Variants in TRPM3 observed in about 807,000 individuals in gnomAD.
TRPM3 encodes the protein transient receptor potential cation channel subfamily M member 3, also known as long transient receptor potential channel 3.
A neutral mutation model predicts 181.2 loss-of-function variants in TRPM3; 77 were observed. That is an observed-to-expected ratio of 0.42 (90% CI 0.35 to 0.51). The LOEUF is 0.51. Among genes scored for constraint, TRPM3 ranks in the 20% least tolerant of loss-of-function variants. TRPM3 has a pLI of 0.01. For missense variants in TRPM3, 1,759 were observed against 2,196.7 expected (o/e 0.80, Z 3.98); for synonymous variants, 745 against 796.4 (o/e 0.94, Z 1.09).
intron 4 of TRPM3, among the ~76,000 whole-genome samples, chr9:70,843,410 C>A (rs2094805037): frequency 1.0e-5 from 1 of 100,450 alleles, no homozygotes; most frequent in Non-Finnish European, 2.2e-5. Context: ...AGAATAAATA[C>A]AATTTTTTTT....
At chr9:70,775,420 A>G (rs533462919) in intron 7 of TRPM3, 1 of 152,362 alleles carries the variant, frequency 6.6e-6, no homozygotes, top group Admixed American at 6.5e-5. Flanking sequence ...GGACAGCTCC[A>G]TTGGGTTGTA....
At chr9:70,597,658 A>G (rs1176344469) in intron 21 of TRPM3, among the ~76,000 whole-genome samples, 1 of 152,200 alleles carries the variant, frequency 6.6e-6, no homozygotes, top group Non-Finnish European at 1.5e-5. Flanking sequence ...CTATTGGAAC[A>G]AGTCCTTGGC....
chr9:71,446,717 C>T lies in TRPM3; in HGVS notation c.119G>A (p.Trp40Ter). The T allele has an allele frequency of 6.4e-7, 1 of 1,550,602 alleles. No individual in the cohort carries two copies. The highest frequency in any genetic ancestry group is 8.7e-7 in the Non-Finnish European group (1 of 1,146,982). ...CCCCTGCTTGGAACTTAACCTTTTC[C>T]ACGACTCGGCAAACCTGCCCCGGCT... Residue 40 changes from tryptophan to a stop codon, truncating the protein, a stop_gained, in exon 1 of 25, where the codon TGG becomes TAG. Coordinates refer to the TRPM3 transcript ENST00000357533. LOFTEE classifies it high-confidence loss of function.
intron 1 of TRPM3, among the ~76,000 whole-genome samples, chr9:71,191,360 C>G (rs1261998931): frequency 6.6e-6 from 1 of 151,778 alleles, no homozygotes; most frequent in Non-Finnish European, 1.5e-5. Context: ...ACCCTTCTTT[C>G]AAATACCTTT....
chr9:70,573,248 T>G (rs2052943193), intron 22 of TRPM3, among the ~76,000 whole-genome samples: 1 of 152,206 alleles, frequency 6.6e-6, no homozygotes, highest in African/African-American at 2.4e-5. Context: ...AACATTGTCT[T>G]TGGTGAGTTG....
At chr9:70,569,870 TA>T (rs1473269759) in intron 22 of TRPM3, among the ~76,000 whole-genome samples, 1 of 152,150 alleles carries the variant, frequency 6.6e-6, no homozygotes, top group African/African-American at 2.4e-5. Flanking sequence ...TACAAAAATG[TA>T]AAAAATATTT....
intron 9 of TRPM3, among the ~76,000 whole-genome samples, chr9:70,654,909 T>G (rs903891328): frequency 3.6e-4 from 54 of 151,470 alleles, no homozygotes; most frequent in Non-Finnish European, 5.8e-4. Context: ...GGTCTCGATC[T>G]CCTGACCTTG....
At chr9:71,365,727 C>T (rs889204603) in intron 1 of TRPM3, among the ~76,000 whole-genome samples, 2 of 152,100 alleles carry the variant, frequency 1.3e-5, no homozygotes, top group African/African-American at 2.4e-5. Flanking sequence ...CCACCACTTC[C>T]TACTTATGTG....
At chr9:70,679,977 G>A (rs1230852308) in intron 9 of TRPM3, among the ~76,000 whole-genome samples, 15 of 152,116 alleles carry the variant, frequency 9.9e-5, no homozygotes, top group Non-Finnish European at 1.9e-4. Flanking sequence ...GTATTTCTTA[G>A]TTCATTGGGA....
At chr9:71,114,630 G>T (rs2071902184) in intron 1 of TRPM3, among the ~76,000 whole-genome samples, 1 of 152,106 alleles carries the variant, frequency 6.6e-6, no homozygotes, top group Non-Finnish European at 1.5e-5. Context: ...TTGGGTTGGG[G>T]AGTCTAGAAT....
chr9:70,591,273 C>A (rs1235256751), intron 21 of TRPM3, 68 bp from the exon 22 acceptor site: 51 of 1,398,578 alleles, frequency 3.6e-5, no homozygotes, highest in Non-Finnish European at 5.0e-5. Context: ...CTTATAATTG[C>A]TGACAATGAT....
At chr9:70,877,194 G>A (rs896704554) in intron 1 of TRPM3, among the ~76,000 whole-genome samples, 5 of 151,874 alleles carry the variant, frequency 3.3e-5, no homozygotes, top group African/African-American at 1.2e-4. Context: ...ATAGAGCCCA[G>A]GTTCGTTACT....
At chr9:71,352,900 C>G (rs1024263391) in intron 1 of TRPM3, among the ~76,000 whole-genome samples, 2 of 152,012 alleles carry the variant, frequency 1.3e-5, no homozygotes, top group Non-Finnish European at 2.9e-5. Context: ...TTCGAAACTC[C>G]CAGGTGGGGC....
At position 70,697,004 on chromosome 9, in the gene TRPM3, A is replaced by T. The variant is rs1023074066; in HGVS notation, c.1273-15426T>A. Among the ~76,000 whole-genome samples the T allele has an allele frequency of 3.9e-5, 6 of 152,036 alleles. No individual in the cohort carries two copies. In the South Asian group the frequency reaches 1.2e-3, roughly 31 times the overall value. On this transcript the variant is annotated intron_variant, in intron 8 of 25. Coordinates refer to ENST00000677713, the MANE Select transcript of TRPM3 (RefSeq NM_001366145.2). Reference sequence around the variant, plus strand: ...TTTTCTGTTCCTTTTTTCAGTTTTCAATTTCAATTTGTGCTTTCCTCATGG... The same window carrying T: ...TTTTCTGTTCCTTTTTTCAGTTTTCTATTTCAATTTGTGCTTTCCTCATGG...
At chr9:70,574,489 C>T (rs1248047211) in intron 22 of TRPM3, among the ~76,000 whole-genome samples, 1 of 152,104 alleles carries the variant, frequency 6.6e-6, no homozygotes, top group African/African-American at 2.4e-5. Flanking sequence ...TCTCTGAGTC[C>T]CAAATATGTC....
At chr9:71,430,171 C>A (rs1588995503) in intron 1 of TRPM3, among the ~76,000 whole-genome samples, 2 of 152,140 alleles carry the variant, frequency 1.3e-5, no homozygotes, top group East Asian at 3.9e-4. Context: ...AGGGCTGGAA[C>A]TTGATAAAAT....
At chr9:71,302,012 T>C (rs540829349) in intron 1 of TRPM3, among the ~76,000 whole-genome samples, 4 of 152,134 alleles carry the variant, frequency 2.6e-5, no homozygotes, top group Non-Finnish European at 4.4e-5. Flanking sequence ...CCCTCTTTAC[T>C]CTGAACCATT....
At chr9:70,650,052 C>A (rs1335105879) in intron 9 of TRPM3, among the ~76,000 whole-genome samples, 1 of 152,128 alleles carries the variant, frequency 6.6e-6, no homozygotes, top group African/African-American at 2.4e-5. Context: ...CAAATTAACA[C>A]AGGAACAGAA....
intron 1 of TRPM3, among the ~76,000 whole-genome samples, chr9:71,010,539 C>A (rs1181653148): frequency 1.3e-5 from 2 of 152,066 alleles, no homozygotes; most frequent in Admixed American, 1.3e-4. Flanking sequence ...CACTCATCAT[C>A]AGGGAAATGC....
Sources: gnomAD v4.1 joint callset for allele counts (sites outside exome capture counted in the v4.1 genomes callset) on GRCh38, gnomAD v4.1.1 for gene constraint, MANE v1.5 for transcripts, NCBI Gene and HGNC (gene_info 2026-07-23, HGNC 2026-07-21) for gene names.